RB1CC1: variants seen among roughly 807,000 people sequenced by gnomAD.
RB1CC1 encodes RB1-inducible coiled-coil protein 1.
RB1CC1 carries 46 observed loss-of-function variants against 177.5 expected under a neutral mutation model. The observed-to-expected ratio is 0.26, with a 90% confidence interval of 0.20 to 0.33. The LOEUF is 0.33. RB1CC1 is among the 10% of genes least tolerant of loss of function. RB1CC1 has a pLI of 1.00. For missense variants in RB1CC1, 1,703 were observed against 1,816.3 expected (o/e 0.94, Z 1.13); for synonymous variants, 666 against 613.6 (o/e 1.09, Z -1.26).
At chr8:52,681,547 AC>A (rs2150584729) in intron 5 of RB1CC1, among the ~76,000 whole-genome samples, 1 of 152,280 alleles carries the variant, frequency 6.6e-6, no homozygotes, top group African/African-American at 2.4e-5. Context: ...AATTGATTAG[AC>A]CTATGTTACT....
intron 3 of RB1CC1, 112 bp from the exon 4 acceptor site, chr8:52,684,125 C>T: frequency 8.1e-7 from 1 of 1,232,754 alleles, no homozygotes; most frequent in Non-Finnish European, 1.1e-6. Flanking sequence ...CACTCTAAAA[C>T]CTTCCCCAAA....
chr8:52,659,824 C>T (rs1189654432), intron 12 of RB1CC1, among the ~76,000 whole-genome samples: 3 of 152,134 alleles, frequency 2.0e-5, no homozygotes, highest in Non-Finnish European at 2.9e-5. Context: ...CGGTGAAACC[C>T]CGTCTCTACT....
intron 8 of RB1CC1, among the ~76,000 whole-genome samples, chr8:52,667,561 T>C (rs1034575208): frequency 6.6e-6 from 1 of 152,194 alleles, no homozygotes; most frequent in African/African-American, 2.4e-5. Flanking sequence ...TTCCATCACC[T>C]TCCTTTGGTT....
At chr8:52,696,991 A>G (rs1361153238) in intron 1 of RB1CC1, among the ~76,000 whole-genome samples, 1 of 152,150 alleles carries the variant, frequency 6.6e-6, no homozygotes, top group Admixed American at 6.5e-5. Context: ...CAAGGGAGAG[A>G]GACCGTCTCA....
chr8:52,635,083 TGATGGG>T (rs1219206099), intron 19 of RB1CC1, 115 bp from the exon 20 acceptor site: 2 of 835,544 alleles, frequency 2.4e-6, no homozygotes, highest in African/African-American at 3.5e-5. Context: ...TATGAAAAGT[TGATGGG>T]GATATTATTT....
chr8:52,659,603 G>A (rs936463904), intron 12 of RB1CC1, among the ~76,000 whole-genome samples: 8 of 151,942 alleles, frequency 5.3e-5, no homozygotes, highest in Admixed American at 2.6e-4. Context: ...AAGAGTTCTC[G>A]GATAAATAAG....
intron 15 of RB1CC1, among the ~76,000 whole-genome samples, chr8:52,647,958 G>A (rs1162701282): frequency 1.3e-5 from 2 of 152,158 alleles, no homozygotes; most frequent in African/African-American, 2.4e-5. Flanking sequence ...TTCAAATTGT[G>A]CAAGAGAGGA....
At chr8:52,713,714 A>T (rs553293542) in intron 1 of RB1CC1, among the ~76,000 whole-genome samples, 1 of 152,206 alleles carries the variant, frequency 6.6e-6, no homozygotes, top group African/African-American at 2.4e-5. Flanking sequence ...GCCCTCGGCC[A>T]CTCCGGCAAC....
At chr8:52,697,831 A>C (rs1241535058) in intron 1 of RB1CC1, among the ~76,000 whole-genome samples, 1 of 152,216 alleles carries the variant, frequency 6.6e-6, no homozygotes, top group Non-Finnish European at 1.5e-5. Context: ...AATAATTATG[A>C]TGTTTCTGGA....
chr8:52,683,105 G>C (rs1006648929), intron 5 of RB1CC1, among the ~76,000 whole-genome samples: 8 of 152,228 alleles, frequency 5.3e-5, no homozygotes, highest in South Asian at 4.2e-4. Flanking sequence ...AAATGACTGG[G>C]AAACAATCCG....
chr8:52,647,912 A>C (rs944613670), intron 15 of RB1CC1, among the ~76,000 whole-genome samples: 1 of 152,132 alleles, frequency 6.6e-6, no homozygotes, highest in Non-Finnish European at 1.5e-5. Context: ...TTTCAACATG[A>C]TAAAGGATCC....
chr8:52,690,387 CAT>C (rs1205583774), intron 1 of RB1CC1, among the ~76,000 whole-genome samples: 3 of 152,292 alleles, frequency 2.0e-5, no homozygotes, highest in Admixed American at 2.0e-4. Flanking sequence ...AAAAAACAGA[CAT>C]AGTCTTTGTC....
In RB1CC1 at chr8:52,658,014, A is replaced by G; in HGVS notation, c.1904T>C (p.Leu635Pro). 6.2e-7 allele frequency: 1 copy of G among 1,614,062 alleles called. No individual in the cohort carries two copies. The highest frequency in any genetic ancestry group is 8.5e-7 in the Non-Finnish European group (1 of 1,179,988). Residue 635 changes from leucine (L) to proline (P), a missense_variant, in exon 14 of 24, where the codon CTA (leucine) becomes CCA (proline). Around this residue, in one of 6 missense-constraint regions of RB1CC1, gnomAD observed 1,169 missense variants for 1,184.7 expected, o/e 0.99. Coordinates refer to ENST00000025008, the MANE Select transcript of RB1CC1 (RefSeq NM_014781.5). ...LDEMSQTITD[L>P]LSEQKASVSQ... ...TGAATTTGCCTTTTGTTCACTCAGTAGATCTGTAATGGTCTGTGACATTTC... is the reference window on the plus strand; with the variant it reads ...TGAATTTGCCTTTTGTTCACTCAGTGGATCTGTAATGGTCTGTGACATTTC...
intron 5 of RB1CC1, among the ~76,000 whole-genome samples, chr8:52,681,713 T>C (rs1853739078): frequency 6.6e-6 from 1 of 152,216 alleles, no homozygotes; most frequent in African/African-American, 2.4e-5. Context: ...GGAGGATCAT[T>C]TGAGCCCAGG....
At chr8:52,682,563 G>T in intron 5 of RB1CC1, among the ~76,000 whole-genome samples, 1 of 151,518 alleles carries the variant, frequency 6.6e-6, no homozygotes, top group African/African-American at 2.4e-5. Context: ...TTACTTTCTT[G>T]TTTTCATTCT....
At chr8:52,635,106 A>C (rs1849035668) in intron 19 of RB1CC1, 138 bp from the exon 20 acceptor site, 1 of 708,092 alleles carries the variant, frequency 1.4e-6, no homozygotes, top group Admixed American at 3.2e-5. Context: ...ATTTTCTATG[A>C]ATTCTTTCCA....
At chr8:52,694,933 T>C (rs1161080185) in intron 1 of RB1CC1, among the ~76,000 whole-genome samples, 1 of 152,122 alleles carries the variant, frequency 6.6e-6, no homozygotes, top group Non-Finnish European at 1.5e-5. Flanking sequence ...CTGGTGAAAA[T>C]GACAATAACA....
chr8:52,659,044 A>T, intron 12 of RB1CC1, 68 bp from the exon 13 acceptor site: 9 of 754,106 alleles, frequency 1.2e-5, no homozygotes, highest in Non-Finnish European at 1.8e-5. Context: ...AATTTATATG[A>T]TTTCTTACTA....
intron 8 of RB1CC1, among the ~76,000 whole-genome samples, chr8:52,663,067 C>G (rs1314485109): frequency 6.6e-6 from 1 of 152,000 alleles, no homozygotes; most frequent in Non-Finnish European, 1.5e-5. Context: ...TTTGCTCAAC[C>G]ATACTCAATA....
Sources: allele counts gnomAD v4.1 joint callset (sites outside exome capture counted in the v4.1 genomes callset), GRCh38; gene constraint gnomAD v4.1.1; regional missense constraint gnomAD v4.1.1; transcripts MANE v1.5; gene names NCBI Gene and HGNC (gene_info 2026-07-23, HGNC 2026-07-21).